NLGN1: variants seen among roughly 807,000 people sequenced by gnomAD.
NLGN1 encodes neuroligin 1.
NLGN1 carries 12 observed loss-of-function variants against 65.5 expected under a neutral mutation model. That is an observed-to-expected ratio of 0.18 (90% CI 0.12 to 0.30). The LOEUF is 0.30. Ranked by LOEUF, NLGN1 falls within the 10% of genes least tolerant of loss-of-function variation. The pLI is 1.00. For synonymous variants in NLGN1, 350 were observed against 359.5 expected (o/e 0.97, Z 0.30); for missense variants, 750 against 1,007.1 (o/e 0.74, Z 3.46).
At chr3:173,793,033 C>T (rs1713159028) in intron 3 of NLGN1, among the ~76,000 whole-genome samples, 1 of 152,096 alleles carries the variant, frequency 6.6e-6, no homozygotes, top group Non-Finnish European at 1.5e-5. Flanking sequence ...TCTTAGAGTG[C>T]TTGCAATTTT....
chr3:173,608,010 C>T (rs181893207), intron 3 of NLGN1, among the ~76,000 whole-genome samples: 482 of 151,912 alleles, frequency 3.2e-3, no homozygotes, highest in Non-Finnish European at 3.9e-3. Flanking sequence ...TTGCCAATTA[C>T]AAGCCACATA....
chr3:173,539,581 G>A (rs1406140640), intron 2 of NLGN1, among the ~76,000 whole-genome samples: 2 of 134,682 alleles, frequency 1.5e-5, no homozygotes, highest in East Asian at 2.1e-4. Flanking sequence ...TATATGTTAT[G>A]TTATATATGT....
At chr3:174,122,267 C>T (rs1371153177) in intron 4 of NLGN1, among the ~76,000 whole-genome samples, 1 of 152,162 alleles carries the variant, frequency 6.6e-6, no homozygotes, top group Non-Finnish European at 1.5e-5. Context: ...AGCAGATAAC[C>T]TCTTTGAGAT....
chr3:174,212,163 T>TGGGCCGGCACTGCTGGG (rs1471281151), intron 4 of NLGN1, among the ~76,000 whole-genome samples: 1 of 152,186 alleles, frequency 6.6e-6, no homozygotes, highest in East Asian at 1.9e-4. Context: ...ACAGCGCCGG[T>TGGGCCGGCACTGCTGGG]GGGCCGGCAC....
intron 3 of NLGN1, among the ~76,000 whole-genome samples, chr3:173,674,304 T>C (rs1056809960): frequency 1.8e-4 from 27 of 152,350 alleles, no homozygotes; most frequent in African/African-American, 6.5e-4. Flanking sequence ...TTATTTTATA[T>C]GTGCATTAGC....
chr3:173,526,619 T>C (rs1481305781), intron 2 of NLGN1, among the ~76,000 whole-genome samples: 1 of 152,174 alleles, frequency 6.6e-6, no homozygotes, highest in Non-Finnish European at 1.5e-5. Flanking sequence ...AATTATACTC[T>C]TTTAGTGATT....
chr3:173,715,509 A>G (rs892536005), intron 3 of NLGN1, among the ~76,000 whole-genome samples: 1 of 152,154 alleles, frequency 6.6e-6, no homozygotes, highest in Admixed American at 6.6e-5. Flanking sequence ...GTTTTGCACT[A>G]TTACAGAATC....
chr3:173,402,132 A>G (rs1472138589), intron 1 of NLGN1, among the ~76,000 whole-genome samples: 1 of 152,158 alleles, frequency 6.6e-6, no homozygotes, highest in African/African-American at 2.4e-5. Context: ...TAGAAAGATA[A>G]CACATGCTAG....
chr3:173,767,614 T>C (rs1021605811), intron 3 of NLGN1, among the ~76,000 whole-genome samples: 1 of 152,072 alleles, frequency 6.6e-6, no homozygotes, highest in Admixed American at 6.6e-5. Flanking sequence ...TTGGTTTAAA[T>C]TGTCCAGCCA....
At chr3:173,547,255 T>G (rs1371056078) in intron 2 of NLGN1, among the ~76,000 whole-genome samples, 2 of 152,178 alleles carry the variant, frequency 1.3e-5, no homozygotes, top group African/African-American at 4.8e-5. Flanking sequence ...TCTCTATCAT[T>G]ATGAACTACA....
the NLGN1 span, among the ~76,000 whole-genome samples, chr3:174,293,501 A>G: frequency 5.9e-5 from 9 of 151,766 alleles, no homozygotes; most frequent in African/African-American, 2.2e-4. Flanking sequence ...ACAAAATGTC[A>G]TGACTTCAGA....
At chr3:174,265,956 GTA>G (rs1748111733) in intron 4 of NLGN1, among the ~76,000 whole-genome samples, 1 of 146,970 alleles carries the variant, frequency 6.8e-6, no homozygotes, top group African/African-American at 2.5e-5. Flanking sequence ...ATGTGTATGT[GTA>G]TATATGTGTA....
chr3:173,709,159 A>G (rs1468141853), intron 3 of NLGN1, among the ~76,000 whole-genome samples: 2 of 152,206 alleles, frequency 1.3e-5, no homozygotes, highest in Non-Finnish European at 2.9e-5. Flanking sequence ...GTGATTTAAA[A>G]ATACCGAGGT....
At chr3:173,605,395 C>A in intron 3 of NLGN1, 139 bp from the exon 3 acceptor site, 1 of 438,580 alleles carries the variant, frequency 2.3e-6, no homozygotes, top group South Asian at 2.2e-5. Context: ...TTCCTCATTG[C>A]ATGTGCAGGC....
At chr3:174,077,381 C>T (rs912315328) in intron 4 of NLGN1, among the ~76,000 whole-genome samples, 1 of 152,066 alleles carries the variant, frequency 6.6e-6, no homozygotes, top group African/African-American at 2.4e-5. Context: ...GCTCCACTAA[C>T]TTGATTTTTA....
intron 4 of NLGN1, among the ~76,000 whole-genome samples, chr3:174,100,120 T>A (rs907005419): frequency 1.3e-5 from 2 of 152,118 alleles, no homozygotes; most frequent in African/African-American, 4.8e-5. Flanking sequence ...GAAAAAAACT[T>A]CCTTAAATAT....
At chr3:174,175,324 T>C (rs1729246466) in intron 4 of NLGN1, among the ~76,000 whole-genome samples, 1 of 151,884 alleles carries the variant, frequency 6.6e-6, no homozygotes, top group African/African-American at 2.4e-5. Context: ...CAGTGTTGAG[T>C]GTGTATATAT....
intron 4 of NLGN1, among the ~76,000 whole-genome samples, chr3:173,927,490 A>G (rs1158835841): frequency 6.6e-6 from 1 of 152,068 alleles, no homozygotes; most frequent in Non-Finnish European, 1.5e-5. Flanking sequence ...TAAGGGAGGG[A>G]TGGGGACACA....
At position 173,924,498 on chromosome 3, in the gene NLGN1, C is replaced by A. The variant is rs77704879; in HGVS notation, c.646+116666C>A. Reference sequence around the variant, plus strand: ...TGGCCTTCAGAGTCAATTAGGTATGCCTGTAGTCCAGCACTTTCAGAGGCC... The same window carrying A: ...TGGCCTTCAGAGTCAATTAGGTATGACTGTAGTCCAGCACTTTCAGAGGCC... On this transcript the variant is annotated intron_variant, in intron 4 of 6. Transcript: ENST00000457714. Among the ~76,000 whole-genome samples, 727 of 151,852 alleles carry A rather than the reference C, an allele frequency of 4.8e-3. 8 individuals are homozygous for A. The highest frequency in any genetic ancestry group is 0.017 in the African/African-American group (700 of 41,424).
Sources: allele counts gnomAD v4.1 joint callset (sites outside exome capture counted in the v4.1 genomes callset), GRCh38; gene constraint gnomAD v4.1.1; transcripts MANE v1.5; gene names NCBI Gene and HGNC (gene_info 2026-07-23, HGNC 2026-07-21).